Variants in CARM1 observed in about 807,000 individuals in gnomAD.
CARM1 encodes coactivator associated arginine methyltransferase 1.
A neutral mutation model predicts 72.7 loss-of-function variants in CARM1; 14 were observed. The observed-to-expected ratio is 0.19, with a 90% confidence interval of 0.13 to 0.30. CARM1 has a LOEUF of 0.30. CARM1 is among the 10% of genes least tolerant of loss of function. CARM1 has a pLI of 1.00. For missense variants in CARM1, 432 were observed against 833.7 expected (o/e 0.52, Z 5.93); for synonymous variants, 333 against 345.5 (o/e 0.96, Z 0.40).
chr19:10,905,533 AC>A, intron 2 of CARM1, among the ~76,000 whole-genome samples: 1 of 152,248 alleles, frequency 6.6e-6, no homozygotes, highest in African/African-American at 2.4e-5. Context: ...GGGTGGGAGA[AC>A]CCCAGGTGGA....
At chr19:10,886,151 G>A (rs1010965238) in intron 1 of CARM1, among the ~76,000 whole-genome samples, 2 of 151,494 alleles carry the variant, frequency 1.3e-5, no homozygotes, top group African/African-American at 4.9e-5. Flanking sequence ...CCACCTCCTG[G>A]GTTCAAGTGA....
chr19:10,916,528 C>T lies in CARM1; in HGVS notation c.938+31C>T. ...TGTGCCCTGGGTGTCCCGCCTGGGCCCCACAGCCTGCCTTCTCAGGGACAG... is the reference window on the plus strand; with the variant it reads ...TGTGCCCTGGGTGTCCCGCCTGGGCTCCACAGCCTGCCTTCTCAGGGACAG... On this transcript the variant is annotated intron_variant, in intron 7 of 15. Coordinates refer to ENST00000327064, the MANE Select transcript of CARM1 (RefSeq NM_199141.2). The surrounding 1 kb of genome is among the most constrained non-coding windows in gnomAD (Gnocchi z 4.4). The T allele has an allele frequency of 6.5e-7, 1 of 1,540,882 alleles. No individual in the cohort carries two copies. Among genetic ancestry groups the T allele is most frequent in the South Asian group, 1.1e-5 (1 of 89,424 alleles).
At chr19:10,876,425 C>T (rs144660737) in intron 1 of CARM1, among the ~76,000 whole-genome samples, 21 of 152,328 alleles carry the variant, frequency 1.4e-4, no homozygotes, top group Non-Finnish European at 2.5e-4. Flanking sequence ...TCCAGGGCTG[C>T]CCCGCTGTCT....
intron 1 of CARM1, among the ~76,000 whole-genome samples, chr19:10,902,625 TGAGAC>T (rs2074074768): frequency 7.0e-6 from 1 of 142,794 alleles, no homozygotes. Context: ...TTTTTTTTTT[TGAGAC>T]ATGCTCTTAT....
chr19:10,911,759 G>A (rs1035791128), intron 4 of CARM1, among the ~76,000 whole-genome samples: 3 of 152,182 alleles, frequency 2.0e-5, no homozygotes, highest in South Asian at 2.1e-4. Context: ...GGGCTTGGGC[G>A]GCTCACCTGC....
intron 4 of CARM1, among the ~76,000 whole-genome samples, chr19:10,911,359 G>A (rs1480129275): frequency 1.3e-5 from 2 of 152,162 alleles, no homozygotes; most frequent in Non-Finnish European, 2.9e-5. Flanking sequence ...GGGAGGAGTT[G>A]TCTTGACACA....
chr19:10,887,948 GCT>G (rs1477670565), intron 1 of CARM1, among the ~76,000 whole-genome samples: 2 of 152,204 alleles, frequency 1.3e-5, no homozygotes, highest in Admixed American at 6.5e-5. Flanking sequence ...GCTGCACTGA[GCT>G]CTCTGTCCTT....
intron 1 of CARM1, among the ~76,000 whole-genome samples, chr19:10,894,741 C>G (rs1457038058): frequency 2.2e-5 from 3 of 134,278 alleles, no homozygotes; most frequent in African/African-American, 8.3e-5. Context: ...CTCTCTCTCT[C>G]TTTTTTTTTT....
At chr19:10,908,888 G>A (rs981030878) in intron 3 of CARM1, 26 of 464,662 alleles carry the variant, frequency 5.6e-5, no homozygotes, top group South Asian at 3.2e-4. Flanking sequence ...TGTTGCCATC[G>A]GCTGCAGTGA....
At chr19:10,900,908 C>A (rs2074058934) in intron 1 of CARM1, among the ~76,000 whole-genome samples, 1 of 151,860 alleles carries the variant, frequency 6.6e-6, no homozygotes, top group Non-Finnish European at 1.5e-5. Context: ...TGGTCTCGAT[C>A]TCCTGACCTT....
intron 4 of CARM1, among the ~76,000 whole-genome samples, chr19:10,909,937 T>C (rs745505780): frequency 6.6e-6 from 1 of 152,032 alleles, no homozygotes; most frequent in Non-Finnish European, 1.5e-5. Flanking sequence ...ACAATTATTT[T>C]ATTGAGCTGG....
chr19:10,871,953 GC>G lies in CARM1; in HGVS notation c.220+33del. On this transcript the variant is annotated intron_variant, in intron 1 of 15. Coordinates refer to ENST00000327064, the MANE Select transcript of CARM1 (RefSeq NM_199141.2). The surrounding 1 kb of genome is among the most constrained non-coding windows in gnomAD (Gnocchi z 5.6). Reference sequence around the variant, plus strand: ...TACGGGGCCCCGGGGCAGGCGCAGGGCCGGGGCTGCTCACGAGGCCGGCCCG... The same window carrying G: ...TACGGGGCCCCGGGGCAGGCGCAGGGCGGGGCTGCTCACGAGGCCGGCCCG... 8.5e-7 allele frequency: 1 copy of G among 1,174,004 alleles called. No homozygotes were observed. Among genetic ancestry groups the G allele is most frequent in the Admixed American group, 4.6e-5 (1 of 21,688 alleles). 72.7% of individuals were successfully genotyped at this position (1,174,004 alleles called of 1,614,324 possible). A position where few individuals can be genotyped will look rare whatever the true frequency, so the allele number is the denominator to read the frequency against.
chr19:10,882,185 A>G (rs566004232), intron 1 of CARM1, among the ~76,000 whole-genome samples: 1 of 152,240 alleles, frequency 6.6e-6, no homozygotes, highest in Admixed American at 6.5e-5. Context: ...GATAGAAGTA[A>G]AGTGCTTAAA....
At position 10,916,400 on chromosome 19, in the gene CARM1, C is replaced by G. The variant is rs1280723310; in HGVS notation, c.848-7C>G. 6.2e-7 allele frequency: 1 copy of G among 1,606,750 alleles called. No individual in the cohort carries two copies. Among genetic ancestry groups the G allele is most frequent in the Admixed American group, 1.7e-5 (1 of 59,960 alleles). On this transcript the variant is annotated splice_region_variant and splice_polypyrimidine_tract_variant and intron_variant, in intron 6 of 15. Coordinates refer to ENST00000327064, the MANE Select transcript of CARM1 (RefSeq NM_199141.2). The surrounding 1 kb of genome is among the most constrained non-coding windows in gnomAD (Gnocchi z 4.4). ...GACGCCAGCACCCCTCCCTGCCCCA[C>G]TCCCAGGAAACATGTTTCCTACCAT...
chr19:10,917,706 C>A (rs553526450), intron 8 of CARM1, among the ~76,000 whole-genome samples: 14 of 149,616 alleles, frequency 9.4e-5, no homozygotes, highest in Admixed American at 5.4e-4. Context: ...TTTTTTCTCT[C>A]ATTTTCTTTT....
At chr19:10,893,455 C>T (rs991237181) in intron 1 of CARM1, among the ~76,000 whole-genome samples, 4 of 152,198 alleles carry the variant, frequency 2.6e-5, no homozygotes, top group Non-Finnish European at 5.9e-5. Flanking sequence ...TCTCCTGCCT[C>T]AGCCTCCTGA....
chr19:10,879,761 G>A (rs529108138), intron 1 of CARM1, among the ~76,000 whole-genome samples: 28 of 152,252 alleles, frequency 1.8e-4, no homozygotes, highest in African/African-American at 5.8e-4. Flanking sequence ...TTATAAGTGC[G>A]TGCAACCACA....
chr19:10,909,949 C>T (rs1242737710), intron 4 of CARM1, among the ~76,000 whole-genome samples: 1 of 152,130 alleles, frequency 6.6e-6, no homozygotes, highest in Non-Finnish European at 1.5e-5. Flanking sequence ...TTGAGCTGGG[C>T]AGAGTAGCTC....
At chr19:10,898,561 C>T (rs1293236836) in intron 1 of CARM1, among the ~76,000 whole-genome samples, 2 of 152,250 alleles carry the variant, frequency 1.3e-5, no homozygotes, top group African/African-American at 4.8e-5. Flanking sequence ...CCTTCCGCGG[C>T]TCCCATACTG....
Sources: allele counts gnomAD v4.1 joint callset (sites outside exome capture counted in the v4.1 genomes callset), GRCh38; gene constraint gnomAD v4.1.1; non-coding constraint Gnocchi (gnomAD v3.1); transcripts MANE v1.5; gene names NCBI Gene and HGNC (gene_info 2026-07-23, HGNC 2026-07-21).